The following ABCC5 variants were observed in gnomAD, a reference collection of about 807,000 sequenced individuals.
ABCC5 encodes the protein ATP binding cassette subfamily C member 5.
Under a neutral mutation model 160.9 loss-of-function variants are expected in ABCC5, and 61 were observed. The observed-to-expected ratio is 0.38, with a 90% confidence interval of 0.31 to 0.47. The LOEUF (loss-of-function observed/expected upper bound fraction) is 0.47, where lower values mean the gene tolerates loss of function less well. Ranked by LOEUF, ABCC5 falls within the 20% of genes least tolerant of loss-of-function variation. The pLI, the probability that ABCC5 is intolerant of heterozygous loss-of-function variation, is 0.99. For missense variants in ABCC5, 1,308 were observed against 1,813.3 expected, an observed-to-expected ratio of 0.72 and a Z score of 5.06; for synonymous variants, 666 against 700.6, an observed-to-expected ratio of 0.95 and a Z score of 0.78.
chr3:183,953,455 C>A (rs1715571608), intron 17 of ABCC5, among the ~76,000 whole-genome samples, 185 bp from the exon 18 acceptor site: 1 of 152,076 alleles, frequency 6.6e-6, no homozygotes, highest in Non-Finnish European at 1.5e-5. Context: ...CAAACCAGAC[C>A]CAGGATGAAG....
At chr3:183,927,876 A>G (rs751920326) in intron 27 of ABCC5, 224 of 936,062 alleles carry the variant, frequency 2.4e-4, no homozygotes, top group Middle Eastern at 5.5e-4. Context: ...AAGAATCCCG[A>G]TAGAGCAGAG....
intron 2 of ABCC5, among the ~76,000 whole-genome samples, chr3:183,990,397 G>C (rs1434538940): frequency 2.0e-5 from 3 of 152,112 alleles, no homozygotes; most frequent in African/African-American, 7.2e-5. Context: ...GAGCTGCCGC[G>C]CCCAGCTTAT....
chr3:183,926,450 G>C (rs1000223810), intron 28 of ABCC5, among the ~76,000 whole-genome samples: 8 of 151,176 alleles, frequency 5.3e-5, no homozygotes, highest in Admixed American at 1.3e-4. Flanking sequence ...CTCGGGAGGC[G>C]GAGGCAAGAG....
At chr3:183,980,729 T>TTGAGACAG (rs1718649874) in intron 8 of ABCC5, among the ~76,000 whole-genome samples, 1 of 151,924 alleles carries the variant, frequency 6.6e-6, no homozygotes, top group African/African-American at 2.4e-5. Flanking sequence ...TTTTTTTTTT[T>TTGAGACAG]TTTGAGACAG....
chr3:183,977,429 G>T, intron 10 of ABCC5, 88 bp downstream of exon 10: 1 of 954,280 alleles, frequency 1.0e-6, no homozygotes, highest in Non-Finnish European at 1.6e-6. Flanking sequence ...GCCCAGTGAG[G>T]CCAGCCTGGG....
At chr3:183,952,878 T>C (rs921755357) in intron 18 of ABCC5, among the ~76,000 whole-genome samples, 1 of 152,210 alleles carries the variant, frequency 6.6e-6, no homozygotes, top group Non-Finnish European at 1.5e-5. Context: ...GGTGTCCTAC[T>C]GCACGCCCTA....
intron 25 of ABCC5, chr3:183,942,433 C>A (rs1409485896): frequency 5.3e-6 from 3 of 569,608 alleles, no homozygotes; most frequent in African/African-American, 1.8e-5. Flanking sequence ...AGATAGCTAC[C>A]AAAATGTTAC....
intron 29 of ABCC5, among the ~76,000 whole-genome samples, chr3:183,924,934 T>A (rs939027692): frequency 6.6e-6 from 1 of 152,098 alleles, no homozygotes; most frequent in African/African-American, 2.4e-5. Context: ...TTTAGGTAGA[T>A]GGAACTATCT....
chr3:183,959,052 TACAC>T (rs59592606), intron 17 of ABCC5, among the ~76,000 whole-genome samples: 34,029 of 148,060 alleles, frequency 0.23, 4,548 homozygotes, highest in Middle Eastern at 0.32. Context: ...ATCTATACAG[TACAC>T]ACACACACAC....
chr3:183,988,108 T>A lies in ABCC5; in HGVS notation c.444-191A>T, dbSNP rs943871365. 6.6e-6 allele frequency among the ~76,000 whole-genome samples: 1 copy of A among 152,150 alleles called. No individual in the cohort carries two copies. The highest frequency in any genetic ancestry group is 1.5e-5 in the Non-Finnish European group (1 of 68,024). On this transcript the variant is annotated intron_variant, in intron 4 of 29. Coordinates refer to ENST00000334444, the MANE Select transcript of ABCC5 (RefSeq NM_005688.4). The surrounding 1 kb of genome is among the most constrained non-coding windows in gnomAD (Gnocchi z 4.4). ...TAGGGAACTACACATTTACCCTGTA[T>A]AAGGAGCCTCCCAGGATACAGAAAA... is the stretch of plus-strand genomic sequence containing the variant.
intron 24 of ABCC5, 30 bp downstream of exon 24, chr3:183,945,820 A>AT (rs1478074487): frequency 1.3e-6 from 2 of 1,594,444 alleles, no homozygotes; most frequent in Non-Finnish European, 1.7e-6. Context: ...GAGGAGTCAG[A>AT]TCACGGTAAA....
intron 17 of ABCC5, among the ~76,000 whole-genome samples, chr3:183,956,116 C>A (rs374439405): frequency 0.016 from 984 of 60,214 alleles, 1 homozygote; most frequent in Middle Eastern, 0.068. Flanking sequence ...TTACATGCAG[C>A]TCCGTGTGTA....
chr3:183,922,595 A>G (rs548398764), intron 29 of ABCC5, among the ~76,000 whole-genome samples: 5 of 152,330 alleles, frequency 3.3e-5, no homozygotes, highest in South Asian at 2.1e-4. Flanking sequence ...ATGGACTTCT[A>G]TGTAGCCGTG....
rs764931216 is a variant in ABCC5, at chr3:183,951,422, A to G, written c.2944+19T>C. The G allele has an allele frequency of 3.7e-6, 6 of 1,613,320 alleles. No homozygotes were observed. The highest frequency in any genetic ancestry group is 1.7e-4 in the Middle Eastern group (1 of 6,056). On this transcript the variant is annotated intron_variant, in intron 20 of 29. Coordinates refer to ENST00000334444, the MANE Select transcript of ABCC5 (RefSeq NM_005688.4). The surrounding 1 kb of genome is among the most constrained non-coding windows in gnomAD (Gnocchi z 4.7). ...ACAGTGAGCTCCAGAGTATTAAAAA[A>G]AGGCTCAGTGAGAAATACCTTCATC...
chr3:183,966,354 G>A (rs559824526), intron 12 of ABCC5, among the ~76,000 whole-genome samples: 157 of 152,276 alleles, frequency 1.0e-3, no homozygotes, highest in Middle Eastern at 3.4e-3. Context: ...GTGGAAAGCC[G>A]GCACTTCTGG....
intron 17 of ABCC5, among the ~76,000 whole-genome samples, chr3:183,953,550 C>G (rs1247595260): frequency 6.6e-6 from 1 of 152,130 alleles, no homozygotes; most frequent in East Asian, 1.9e-4. Context: ...GTAGGACAGG[C>G]AGATCAATAA....
intron 26 of ABCC5, among the ~76,000 whole-genome samples, chr3:183,931,417 T>TGCCCC (rs1216349567): frequency 6.6e-6 from 1 of 150,724 alleles, no homozygotes; most frequent in African/African-American, 2.4e-5. Context: ...ACCCCTGCCC[T>TGCCCC]GCCCCGCCAG....
chr3:183,948,370 C>T (rs1294721717), intron 22 of ABCC5, among the ~76,000 whole-genome samples: 3 of 152,082 alleles, frequency 2.0e-5, no homozygotes, highest in East Asian at 1.9e-4. Flanking sequence ...TTTCAATGCA[C>T]TGACATTTAC....
chr3:183,933,743 C>T (rs1327082415), intron 26 of ABCC5, among the ~76,000 whole-genome samples: 1 of 152,180 alleles, frequency 6.6e-6, no homozygotes, highest in Non-Finnish European at 1.5e-5. Context: ...TATTTGTACA[C>T]AGAACAACTC....
Sources: allele counts gnomAD v4.1 joint callset (sites outside exome capture counted in the v4.1 genomes callset), GRCh38; gene constraint gnomAD v4.1.1; non-coding constraint Gnocchi (gnomAD v3.1); transcripts MANE v1.5; gene names NCBI Gene and HGNC (gene_info 2026-07-23, HGNC 2026-07-21).